Variants in PFDN1 observed in about 807,000 individuals in gnomAD.
PFDN1 encodes the protein prefoldin 1.
In PFDN1, 6 loss-of-function variants were observed where a neutral mutation model predicts 17.3. That is an observed-to-expected ratio of 0.35 (90% CI 0.19 to 0.69). The LOEUF (loss-of-function observed/expected upper bound fraction) is 0.69. Among genes scored for constraint, PFDN1 ranks in the 30% least tolerant of loss-of-function variants. PFDN1 has a pLI of 0.65. For synonymous variants in PFDN1, 58 were observed against 50.1 expected (o/e 1.16, Z -0.67); for missense variants, 113 against 146.2 (o/e 0.77, Z 1.17).
intron 2 of PFDN1, among the ~76,000 whole-genome samples, chr5:140,290,115 T>G (rs1349757455): frequency 6.6e-6 from 1 of 152,218 alleles, no homozygotes; most frequent in Admixed American, 6.5e-5. Flanking sequence ...TTTCCTTTTC[T>G]TTGTTGATTG....
chr5:140,250,146 C>A (rs1764892214), intron 3 of PFDN1, among the ~76,000 whole-genome samples: 1 of 152,174 alleles, frequency 6.6e-6, no homozygotes, highest in South Asian at 2.1e-4. Flanking sequence ...AGGATTTCAA[C>A]AAAGACTTTA....
intron 3 of PFDN1, among the ~76,000 whole-genome samples, chr5:140,252,199 A>T (rs1764924573): frequency 6.6e-6 from 1 of 152,150 alleles, no homozygotes; most frequent in Non-Finnish European, 1.5e-5. Flanking sequence ...CTAAACAAAC[A>T]AAACAGGTTA....
chr5:140,251,811 G>C (rs1764917591), intron 3 of PFDN1, among the ~76,000 whole-genome samples: 1 of 152,074 alleles, frequency 6.6e-6, no homozygotes, highest in Admixed American at 6.5e-5. Flanking sequence ...TCAGACTGAG[G>C]GGCTGGTGTT....
chr5:140,270,889 G>A lies in PFDN1; in HGVS notation c.285+10560C>T, dbSNP rs765452336. On this transcript the variant is annotated intron_variant, in intron 3 of 3. Transcript: ENST00000261813. ...TGCAGTGAGCCAAGATTGCGCCACT[G>A]CACTCCAGCCTGGGTGACAGAGCAA... Among the ~76,000 whole-genome samples, 5 of 152,034 alleles carry A rather than the reference G, an allele frequency of 3.3e-5. 1 individual carries two copies. The highest frequency in any genetic ancestry group is 4.8e-5 in the African/African-American group (2 of 41,384).
In PFDN1 at chr5:140,300,571, C is replaced by T; in HGVS notation, c.45G>A (p.Glu15=). The part of the protein sequence containing the change: ...VDLELKKAFT[E]LQAKVIDTQQ... The stretch of plus-strand genomic sequence containing the variant: ...GAGTGTCAATAACTTTGGCTTGAAG[C>T]TCTGTGAAGGCCTAATAAAAACAAG... Residue 15 remains glutamate (E), a synonymous_variant, in exon 2 of 4, where the codon GAG becomes GAA. Transcript: ENST00000261813. The T allele has an allele frequency of 6.2e-7, 1 of 1,607,610 alleles. No individual in the cohort carries two copies. The highest frequency in any genetic ancestry group is 8.5e-7 in the Non-Finnish European group (1 of 1,176,754).
intron 2 of PFDN1, among the ~76,000 whole-genome samples, chr5:140,284,682 C>A (rs879914168): frequency 6.6e-6 from 1 of 152,062 alleles, no homozygotes; most frequent in African/African-American, 2.4e-5. Flanking sequence ...GAAAAATAAA[C>A]CATGAAGAGG....
At chr5:140,269,476 G>A (rs544676884) in intron 3 of PFDN1, among the ~76,000 whole-genome samples, 2 of 152,062 alleles carry the variant, frequency 1.3e-5, no homozygotes, top group East Asian at 3.9e-4. Context: ...GCGCCACCAC[G>A]CCCGGCTAAT....
intron 3 of PFDN1, among the ~76,000 whole-genome samples, chr5:140,269,748 G>A (rs1194591611): frequency 6.6e-6 from 1 of 152,202 alleles, no homozygotes; most frequent in Non-Finnish European, 1.5e-5. Context: ...AAAGACCAAG[G>A]TTATAACAAT....
chr5:140,257,857 G>A (rs1228642551), intron 3 of PFDN1, among the ~76,000 whole-genome samples: 1 of 152,200 alleles, frequency 6.6e-6, no homozygotes, highest in Non-Finnish European at 1.5e-5. Flanking sequence ...GGGATCTGAG[G>A]GAAACCATGG....
chr5:140,279,295 G>C (rs1158956605), intron 3 of PFDN1, among the ~76,000 whole-genome samples: 1 of 151,978 alleles, frequency 6.6e-6, no homozygotes, highest in Non-Finnish European at 1.5e-5. Flanking sequence ...TACTTCTATT[G>C]CTTTTATAAT....
intron 3 of PFDN1, among the ~76,000 whole-genome samples, chr5:140,246,350 C>G (rs1764829574): frequency 6.6e-6 from 1 of 152,218 alleles, no homozygotes; most frequent in African/African-American, 2.4e-5. Context: ...AAACAGGCGT[C>G]TCAGTACATG....
At chr5:140,255,677 C>T (rs966501784) in intron 3 of PFDN1, among the ~76,000 whole-genome samples, 12 of 152,094 alleles carry the variant, frequency 7.9e-5, no homozygotes, top group African/African-American at 2.9e-4. Context: ...AACCCTTCCA[C>T]TTAGACAATG....
At chr5:140,261,909 CATG>C (rs1026118252) in intron 3 of PFDN1, among the ~76,000 whole-genome samples, 1 of 152,082 alleles carries the variant, frequency 6.6e-6, no homozygotes, top group Non-Finnish European at 1.5e-5. Context: ...GGGCTCAGAT[CATG>C]ATGAAATCAC....
chr5:140,281,368 G>T, intron 3 of PFDN1, 81 bp downstream of exon 3: 3 of 677,592 alleles, frequency 4.4e-6, no homozygotes, highest in Non-Finnish European at 2.7e-6. Context: ...TGGCAGGCAG[G>T]CATACATTTT....
At chr5:140,297,234 A>G (rs188785019) in intron 2 of PFDN1, among the ~76,000 whole-genome samples, 5 of 152,338 alleles carry the variant, frequency 3.3e-5, no homozygotes, top group South Asian at 4.1e-4. Context: ...GGAAAAAGTA[A>G]TATTCTAGTC....
intron 2 of PFDN1, among the ~76,000 whole-genome samples, chr5:140,299,444 A>G (rs140495421): frequency 6.6e-6 from 1 of 152,226 alleles, no homozygotes; most frequent in African/African-American, 2.4e-5. Context: ...TACTAAAAAT[A>G]CAAAAATTAG....
intron 2 of PFDN1, among the ~76,000 whole-genome samples, chr5:140,282,690 G>C (rs973614723): frequency 3.7e-4 from 56 of 152,270 alleles, no homozygotes; most frequent in African/African-American, 1.3e-3. Flanking sequence ...CACTGAAACT[G>C]TTTTATGACT....
chr5:140,276,353 CAGG>C (rs1391739347), intron 3 of PFDN1, among the ~76,000 whole-genome samples: 2 of 152,088 alleles, frequency 1.3e-5, no homozygotes, highest in Non-Finnish European at 2.9e-5. Context: ...AAATGGTTCT[CAGG>C]AGAAGTAATT....
chr5:140,278,835 T>C (rs149468942), intron 3 of PFDN1, among the ~76,000 whole-genome samples: 46 of 152,260 alleles, frequency 3.0e-4, no homozygotes, highest in Non-Finnish European at 6.6e-4. Context: ...TAAGTGCACA[T>C]GTGGGGGTGT....
Sources: allele counts gnomAD v4.1 joint callset (sites outside exome capture counted in the v4.1 genomes callset), GRCh38; gene constraint gnomAD v4.1.1; transcripts MANE v1.5; gene names NCBI Gene and HGNC (gene_info 2026-07-23, HGNC 2026-07-21).